The following EFEMP1 variants were observed in gnomAD, a reference collection of about 807,000 sequenced individuals.
The protein encoded by EFEMP1 is EGF-containing fibulin-like extracellular matrix protein 1.
In EFEMP1, 18 loss-of-function variants were observed where a neutral mutation model predicts 65.7. The ratio of observed to expected loss-of-function variants is 0.27; its 90% CI spans 0.19 to 0.41. EFEMP1 has a LOEUF of 0.41. Ranked by LOEUF, EFEMP1 falls within the 10% of genes least tolerant of loss-of-function variation. EFEMP1 has a pLI of 1.00. For synonymous variants in EFEMP1, 237 were observed against 219.7 expected (o/e 1.08, Z -0.70); for missense variants, 469 against 624.8 (o/e 0.75, Z 2.66).
chr2:55,898,685 G>A (rs1408592580), intron 5 of EFEMP1, among the ~76,000 whole-genome samples: 6 of 151,962 alleles, frequency 3.9e-5, no homozygotes, highest in Non-Finnish European at 7.4e-5. Flanking sequence ...GTCACTCTTC[G>A]CTCAAAATCT....
In EFEMP1 at chr2:55,918,213, G is replaced by GCTCACCTTTGCATTGCTGT; in HGVS notation, c.117_130+5dup. ...GATCACATGGAAGTCTTTGAAGCTG[G>GCTCACCTTTGCATTGCTGT]CTCACCTTTGCATTGCTGTCTCACA... On this transcript the variant is annotated splice_donor_region_variant and intron_variant, in intron 4 of 11. Coordinates refer to ENST00000355426, the MANE Select transcript of EFEMP1 (RefSeq NM_001039348.3). 6.2e-7 allele frequency: 1 copy of GCTCACCTTTGCATTGCTGT among 1,614,126 alleles called. No homozygotes were observed. Among genetic ancestry groups the GCTCACCTTTGCATTGCTGT allele is most frequent in the Non-Finnish European group, 8.5e-7 (1 of 1,180,018 alleles).
chr2:55,877,903 A>T lies in EFEMP1; in HGVS notation c.641-38T>A. On this transcript the variant is annotated intron_variant, in intron 6 of 11. Coordinates refer to ENST00000355426, the MANE Select transcript of EFEMP1 (RefSeq NM_001039348.3). The surrounding 1 kb of genome is among the most constrained non-coding windows in gnomAD (Gnocchi z 4.5). Reference sequence around the variant, plus strand: ...GCACACACACAAAGAGAACCAAATTATTGAATTAGCATTCTCTGAAAAGCA... The same window carrying T: ...GCACACACACAAAGAGAACCAAATTTTTGAATTAGCATTCTCTGAAAAGCA... The T allele has an allele frequency of 6.2e-7, 1 of 1,610,358 alleles. No homozygotes were observed. Among genetic ancestry groups the T allele is most frequent in the Non-Finnish European group, 8.5e-7 (1 of 1,177,190 alleles).
chr2:55,866,133 A>G lies in EFEMP1; in HGVS notation c.*940T>C, dbSNP rs905267146. ...GATGCCAGGAATAAAAACCATCATC[A>G]TTTTCTTCCTCTGTGAGCATCAAGT... is the stretch of plus-strand genomic sequence containing the variant. On this transcript the variant is annotated 3_prime_UTR_variant, in exon 12 of 12. Transcript: ENST00000355426. 6 of 152,118 alleles carry G rather than the reference A, an allele frequency of 3.9e-5. No homozygotes were observed. Among genetic ancestry groups the G allele is most frequent in the Admixed American group, 2.6e-4 (4 of 15,258 alleles). 9.4% of individuals were successfully genotyped at this position (152,118 alleles called of 1,614,324 possible). A position where few individuals can be genotyped will look rare whatever the true frequency, so the allele number is the denominator to read the frequency against.
rs142084921 is a variant in EFEMP1 at position 55,905,126 on chromosome 2, T to A, written c.517+12539A>T. On this transcript the variant is annotated intron_variant, in intron 5 of 11. Transcript: ENST00000355426. ...TGCACTGATTCTTCTTTTCCTATCT[T>A]CTCAGCCTATCAAGATTTACACTGA... Among the ~76,000 whole-genome samples, 172 of 152,176 alleles carry A rather than the reference T, an allele frequency of 1.1e-3. 1 individual carries two copies. Among genetic ancestry groups the A allele is most frequent in the African/African-American group, 3.9e-3 (161 of 41,514 alleles).
Position 55,870,609 on chromosome 2 carries a change from T to C in EFEMP1, c.1320+111A>G, listed in dbSNP as rs1668766766. 7.4e-7 allele frequency: 1 copy of C among 1,357,710 alleles called. No individual in the cohort carries two copies. Among genetic ancestry groups the C allele is most frequent in the Non-Finnish European group, 1.0e-6 (1 of 961,668 alleles). The allele number at this position is 1,357,710 out of a possible 1,614,324, so 84.1% of individuals were successfully genotyped here. On this transcript the variant is annotated intron_variant, in intron 11 of 11. Transcript: ENST00000355426. The surrounding 1 kb of genome is among the most constrained non-coding windows in gnomAD (Gnocchi z 5.8). ...CACAATGCCTACACATAAGACACTT[T>C]AAATGTTTGCTTTCCTTCCACATGT...
Position 55,919,023 on chromosome 2 carries a change from C to T in EFEMP1, c.82-756G>A, listed in dbSNP as rs1040055259. Among the ~76,000 whole-genome samples the T allele has an allele frequency of 1.6e-4, 24 of 152,226 alleles. No homozygotes were observed. The highest frequency in any genetic ancestry group is 3.4e-3 in the Middle Eastern group (1 of 294). On this transcript the variant is annotated intron_variant, in intron 3 of 11. Transcript: ENST00000355426. This position sits in a 1 kb window ranked among gnomAD's most constrained non-coding sequence, Gnocchi z 4.5. ...GCAGGAAGGAGTAATGGACTCTGCC[C>T]GGGGGCATGGGTGAGCATGGCAGGG...
intron 5 of EFEMP1, among the ~76,000 whole-genome samples, chr2:55,906,023 T>C (rs1670251602): frequency 6.6e-6 from 1 of 152,178 alleles, no homozygotes. Context: ...AGTTTTGCTA[T>C]TTAACATTTT....
chr2:55,866,571 T>G lies in EFEMP1; in HGVS notation c.*502A>C, dbSNP rs530970873. 1 of 156,910 alleles carries G rather than the reference T, an allele frequency of 6.4e-6. No homozygotes were observed. The highest frequency in any genetic ancestry group is 1.9e-4 in the East Asian group (1 of 5,394). The allele number at this position is 156,910 out of a possible 1,614,324, so 9.7% of individuals were successfully genotyped here. On this transcript the variant is annotated 3_prime_UTR_variant, in exon 12 of 12. Transcript: ENST00000355426. ...TAAACAACCACCTTTAGGCTGGATATGAAAATAAAAACCAACACAAATATG... is the reference window on the plus strand; with the variant it reads ...TAAACAACCACCTTTAGGCTGGATAGGAAAATAAAAACCAACACAAATATG...
Position 55,885,299 on chromosome 2 carries a change from A to C in EFEMP1, c.518-3565T>G, listed in dbSNP as rs1288302325. 2.6e-5 allele frequency among the ~76,000 whole-genome samples: 4 copies of C among 152,220 alleles called. No homozygotes were observed. The highest frequency in any genetic ancestry group is 9.6e-5 in the African/African-American group (4 of 41,462). ...GGTTTCCATGAGAAGAATGGCAGACAGATGGCGTCAGCACAGCTGCCGGGG... is the reference window on the plus strand; with the variant it reads ...GGTTTCCATGAGAAGAATGGCAGACCGATGGCGTCAGCACAGCTGCCGGGG... On this transcript the variant is annotated intron_variant, in intron 5 of 11. Transcript: ENST00000355426. This position sits in a 1 kb window ranked among gnomAD's most constrained non-coding sequence, Gnocchi z 4.3.
At chr2:55,908,462 G>A (rs371382523) in intron 5 of EFEMP1, among the ~76,000 whole-genome samples, 6 of 152,092 alleles carry the variant, frequency 3.9e-5, no homozygotes, top group East Asian at 1.9e-4. Context: ...ATGGGGAGAC[G>A]TTAATCAAAG....
rs980004463 is a variant in EFEMP1, at chr2:55,886,100, A to G, written c.518-4366T>C. Among the ~76,000 whole-genome samples the G allele has an allele frequency of 1.3e-5, 2 of 152,210 alleles. No individual in the cohort carries two copies. The highest frequency in any genetic ancestry group is 4.8e-5 in the African/African-American group (2 of 41,452). On this transcript the variant is annotated intron_variant, in intron 5 of 11. Transcript: ENST00000355426. The surrounding 1 kb of genome is among the most constrained non-coding windows in gnomAD (Gnocchi z 4.0). ...AGAAATAATTTAGAACTACTTTTGA[A>G]TAAGCCACTGTAGACTAGTGATGAG...
At position 55,871,051 on chromosome 2, in the gene EFEMP1, C is replaced by T. The variant is rs372748426; in HGVS notation, c.1073G>A (p.Arg358His). Reference protein sequence around the residue: ...EMCWNYHGGFRCYPRNPCQDP... With the variant: ...EMCWNYHGGFHCYPRNPCQDP... ...TTGACAAGGATTTCGTGGATAACAACGGAAGCCGCCATGATAATTCCAACA... is the reference window on the plus strand; with the variant it reads ...TTGACAAGGATTTCGTGGATAACAATGGAAGCCGCCATGATAATTCCAACA... Residue 358 changes from arginine to histidine, a missense_variant, in exon 10 of 12, where the codon CGT becomes CAT. Coordinates refer to ENST00000355426, the MANE Select transcript of EFEMP1 (RefSeq NM_001039348.3). This position sits in a 1 kb window ranked among gnomAD's most constrained non-coding sequence, Gnocchi z 4.2. The T allele has an allele frequency of 6.2e-6, 10 of 1,613,574 alleles. No homozygotes were observed. The highest frequency in any genetic ancestry group is 2.7e-5 in the African/African-American group (2 of 74,898).
At chr2:55,876,342 T>G (rs1331679820) in intron 8 of EFEMP1, among the ~76,000 whole-genome samples, 1 of 152,150 alleles carries the variant, frequency 6.6e-6, no homozygotes, top group East Asian at 1.9e-4. Flanking sequence ...GGTGCTGACA[T>G]ACCTGGTCAC....
intron 3 of EFEMP1, among the ~76,000 whole-genome samples, chr2:55,920,527 G>A (rs1670876215): frequency 6.6e-6 from 1 of 152,254 alleles, no homozygotes; most frequent in Admixed American, 6.5e-5. Context: ...AGGCTATTAT[G>A]TGGATACGAG....
chr2:55,921,294 T>C lies in EFEMP1; in HGVS notation c.81+1066A>G, dbSNP rs1239092522. Among the ~76,000 whole-genome samples, 1 of 152,230 alleles carries C rather than the reference T, an allele frequency of 6.6e-6. No individual in the cohort carries two copies. Among genetic ancestry groups the C allele is most frequent in the African/African-American group, 2.4e-5 (1 of 41,456 alleles). On this transcript the variant is annotated intron_variant, in intron 3 of 11. Coordinates refer to ENST00000355426, the MANE Select transcript of EFEMP1 (RefSeq NM_001039348.3). This position sits in a 1 kb window ranked among gnomAD's most constrained non-coding sequence, Gnocchi z 4.1. ...AACAAAATATTTGTATTAAGCTATT[T>C]TATTTATAGTGGATCTGAACAACAG...
intron 5 of EFEMP1, among the ~76,000 whole-genome samples, chr2:55,884,462 C>T (rs1669353291): frequency 6.6e-6 from 1 of 152,134 alleles, no homozygotes; most frequent in Non-Finnish European, 1.5e-5. Flanking sequence ...GCAGAATACC[C>T]ATCCCTGTGC....
At chr2:55,898,549 T>C (rs1030913580) in intron 5 of EFEMP1, among the ~76,000 whole-genome samples, 3 of 152,094 alleles carry the variant, frequency 2.0e-5, no homozygotes, top group African/African-American at 7.2e-5. Flanking sequence ...CAGACTGACA[T>C]AGGCCCTTAC....
chr2:55,870,804 C>G lies in EFEMP1; in HGVS notation c.1236G>C (p.Gln412His). The G allele has an allele frequency of 6.2e-7, 1 of 1,613,838 alleles. No homozygotes were observed. The highest frequency in any genetic ancestry group is 8.5e-7 in the Non-Finnish European group (1 of 1,179,836). Residue 412 changes from glutamine (Q) to histidine (H), a missense_variant, in exon 11 of 12, where the codon CAG becomes CAC. By Grantham distance (24) the Gln-to-His change is conservative (BLOSUM62 0). This residue lies in a region of EFEMP1 where 399 missense variants were observed against 528.2 expected (regional missense o/e 0.76). Coordinates refer to ENST00000355426, the MANE Select transcript of EFEMP1 (RefSeq NM_001039348.3). This position sits in a 1 kb window ranked among gnomAD's most constrained non-coding sequence, Gnocchi z 5.8. ...TGGCATAAATAGTTGTGGCCTGTAT[C>G]TGGAAGATGTCTGATGGCACAGACC... Reference protein sequence around the residue: ...SDRSVPSDIFQIQATTIYANT... With the variant: ...SDRSVPSDIFHIQATTIYANT...
At position 55,871,382 on chromosome 2, in the gene EFEMP1, C is replaced by T. The variant is rs934776186; in HGVS notation, c.1001-259G>A. 1.6e-4 allele frequency among the ~76,000 whole-genome samples: 25 copies of T among 152,078 alleles called. No individual in the cohort carries two copies. The highest frequency in any genetic ancestry group is 1.5e-3 in the Admixed American group (23 of 15,248). On this transcript the variant is annotated intron_variant, in intron 9 of 11. Coordinates refer to ENST00000355426, the MANE Select transcript of EFEMP1 (RefSeq NM_001039348.3). This position sits in a 1 kb window ranked among gnomAD's most constrained non-coding sequence, Gnocchi z 4.2. ...CTATTGTTCATCTGTTGAATTCAAACCCCAATGTTAACCACTGACTCTGCC... is the reference window on the plus strand; with the variant it reads ...CTATTGTTCATCTGTTGAATTCAAATCCCAATGTTAACCACTGACTCTGCC...
Sources: allele counts gnomAD v4.1 joint callset (sites outside exome capture counted in the v4.1 genomes callset), GRCh38; gene constraint gnomAD v4.1.1; regional missense constraint gnomAD v4.1.1; non-coding constraint Gnocchi (gnomAD v3.1); transcripts MANE v1.5; gene names NCBI Gene and HGNC (gene_info 2026-07-23, HGNC 2026-07-21).